PCSK6: variants seen among roughly 807,000 people sequenced by gnomAD.
PCSK6 encodes paired basic amino acid cleaving enzyme 4.
Under a neutral mutation model 123.3 loss-of-function variants are expected in PCSK6, and 85 were observed. The ratio of observed to expected loss-of-function variants is 0.69; its 90% CI spans 0.58 to 0.83. The LOEUF (loss-of-function observed/expected upper bound fraction) is 0.83, where lower values mean the gene tolerates loss of function less well. Ranked by LOEUF, PCSK6 falls within the 40% of genes least tolerant of loss-of-function variation. PCSK6 has a pLI of 0.00. For synonymous variants in PCSK6, 508 were observed against 516.0 expected, an observed-to-expected ratio of 0.98 and a Z score of 0.21; for missense variants, 1,191 against 1,282.3, an observed-to-expected ratio of 0.93 and a Z score of 1.09.
At chr15:101,467,151 C>G (rs1405975344) in intron 1 of PCSK6, among the ~76,000 whole-genome samples, 3 of 152,158 alleles carry the variant, frequency 2.0e-5, no homozygotes, top group Non-Finnish European at 4.4e-5. Context: ...CTCCTGTTAA[C>G]TGACAAAGGA....
chr15:101,456,201 C>T (rs1319931954), intron 1 of PCSK6, among the ~76,000 whole-genome samples: 1 of 151,992 alleles, frequency 6.6e-6, no homozygotes, highest in Non-Finnish European at 1.5e-5. Context: ...GACAGATCAT[C>T]CTACTCCAGG....
intron 8 of PCSK6, among the ~76,000 whole-genome samples, chr15:101,389,843 C>T: frequency 6.6e-6 from 1 of 152,148 alleles, no homozygotes; most frequent in African/African-American, 2.4e-5. Context: ...GGTTCCCTCT[C>T]TACTGCAGAA....
In PCSK6 at chr15:101,456,882, A is replaced by G. The variant is rs150060066; in HGVS notation, c.298-13222T>C. Reference sequence around the variant, plus strand: ...CAAGGACACTCCAGAGGGAGTATCAAGATCTCAGCTTGGGCTGGGCACAGT... The same window carrying G: ...CAAGGACACTCCAGAGGGAGTATCAGGATCTCAGCTTGGGCTGGGCACAGT... On this transcript the variant is annotated intron_variant, in intron 1 of 21. Coordinates refer to ENST00000611716, the MANE Select transcript of PCSK6 (RefSeq NM_002570.5). Among the ~76,000 whole-genome samples, 1,186 of 152,326 alleles carry G rather than the reference A, an allele frequency of 7.8e-3. 16 individuals are homozygous for G. Among genetic ancestry groups the G allele is most frequent in the African/African-American group, 0.026 (1,076 of 41,586 alleles).
intron 6 of PCSK6, among the ~76,000 whole-genome samples, chr15:101,415,174 T>C (rs2055844155): frequency 6.6e-6 from 1 of 152,210 alleles, no homozygotes; most frequent in Non-Finnish European, 1.5e-5. Flanking sequence ...CAGCATTCCT[T>C]CTCAGAAACA....
chr15:101,433,355 T>C (rs1163127746), intron 2 of PCSK6, among the ~76,000 whole-genome samples: 1 of 152,224 alleles, frequency 6.6e-6, no homozygotes, highest in African/African-American at 2.4e-5. Flanking sequence ...TTTAAAAGGA[T>C]CTTGGGGTAA....
At chr15:101,442,109 C>G (rs2056769478) in intron 2 of PCSK6, among the ~76,000 whole-genome samples, 2 of 152,178 alleles carry the variant, frequency 1.3e-5, no homozygotes, top group African/African-American at 2.4e-5. Context: ...AATATACTGG[C>G]CCCTTTGAAA....
At chr15:101,435,459 A>G (rs1459597564) in intron 2 of PCSK6, among the ~76,000 whole-genome samples, 1 of 152,262 alleles carries the variant, frequency 6.6e-6, no homozygotes, top group Non-Finnish European at 1.5e-5. Flanking sequence ...CTTCTAGCCC[A>G]AACAGAAACC....
intron 13 of PCSK6, among the ~76,000 whole-genome samples, chr15:101,335,346 A>G (rs1447102491): frequency 2.0e-5 from 3 of 152,138 alleles, no homozygotes; most frequent in African/African-American, 7.3e-5. Flanking sequence ...TTTAAAATCT[A>G]TGAATAAAGT....
At chr15:101,421,359 T>C (rs2056079785) in intron 6 of PCSK6, among the ~76,000 whole-genome samples, 1 of 152,254 alleles carries the variant, frequency 6.6e-6, no homozygotes, top group Non-Finnish European at 1.5e-5. Flanking sequence ...GGTTAAACTA[T>C]GTCCACAGGT....
chr15:101,428,964 G>C (rs528341286), intron 5 of PCSK6, among the ~76,000 whole-genome samples: 3 of 152,204 alleles, frequency 2.0e-5, no homozygotes, highest in Non-Finnish European at 4.4e-5. Flanking sequence ...ACCTTGGGAC[G>C]TGCATGAGGC....
intron 1 of PCSK6, among the ~76,000 whole-genome samples, chr15:101,478,424 T>C (rs748854879): frequency 6.6e-6 from 1 of 152,104 alleles, no homozygotes; most frequent in Non-Finnish European, 1.5e-5. Context: ...ACTGCTTCTT[T>C]ACAGAAAATA....
At chr15:101,462,491 T>A (rs1447515814) in intron 1 of PCSK6, among the ~76,000 whole-genome samples, 1 of 152,174 alleles carries the variant, frequency 6.6e-6, no homozygotes, top group African/African-American at 2.4e-5. Flanking sequence ...TGAAAAAGAA[T>A]AAGACTTGCC....
At chr15:101,307,543 ACAGC>A in intron 20 of PCSK6, 2 of 509,186 alleles carry the variant, frequency 3.9e-6, no homozygotes, top group Non-Finnish European at 7.1e-6. Context: ...GAGGGCAGAG[ACAGC>A]CATGGCCAGT....
chr15:101,411,655 T>C lies in PCSK6; in HGVS notation c.824-13079A>G, dbSNP rs574473997. ...GACGAGACAGGGCCAATAGAACAAATGGAAAAAACCATACACAATAAGTAG... is the reference window on the plus strand; with the variant it reads ...GACGAGACAGGGCCAATAGAACAAACGGAAAAAACCATACACAATAAGTAG... On this transcript the variant is annotated intron_variant, in intron 6 of 21. Transcript: ENST00000611716. 5.3e-5 allele frequency among the ~76,000 whole-genome samples: 8 copies of C among 151,904 alleles called. 1 individual carries two copies. The South Asian group carries it at 1.7e-3, about 32-fold the overall frequency.
At chr15:101,365,191 A>C (rs1300153749) in intron 13 of PCSK6, 12 of 465,224 alleles carry the variant, frequency 2.6e-5, no homozygotes, top group Non-Finnish European at 4.3e-5. Flanking sequence ...ACACTCTTAA[A>C]AGGAAACACA....
At chr15:101,349,415 C>T (rs2040834636) in intron 13 of PCSK6, among the ~76,000 whole-genome samples, 1 of 152,238 alleles carries the variant, frequency 6.6e-6, no homozygotes, top group African/African-American at 2.4e-5. Context: ...GCCTCCAGCG[C>T]AGCAACCCTG....
intron 19 of PCSK6, 22 bp downstream of exon 19, chr15:101,318,297 C>T: frequency 6.6e-7 from 1 of 1,523,864 alleles, no homozygotes; most frequent in Non-Finnish European, 8.9e-7. Flanking sequence ...TGGCCCGAGG[C>T]CTCCGCAGGC....
At chr15:101,408,754 T>C (rs1237609215) in intron 6 of PCSK6, among the ~76,000 whole-genome samples, 2 of 152,248 alleles carry the variant, frequency 1.3e-5, no homozygotes, top group Non-Finnish European at 2.9e-5. Flanking sequence ...AACTGTTCTC[T>C]TAAAATGCTC....
intron 17 of PCSK6, 73 bp downstream of exon 17, chr15:101,324,777 C>G: frequency 7.7e-7 from 1 of 1,291,128 alleles, no homozygotes; most frequent in East Asian, 2.3e-5. Flanking sequence ...GAAATTCTCC[C>G]TGGAGAGAGG....
Sources: gnomAD v4.1 joint callset for allele counts (sites outside exome capture counted in the v4.1 genomes callset) on GRCh38, gnomAD v4.1.1 for gene constraint, MANE v1.5 for transcripts, NCBI Gene and HGNC (gene_info 2026-07-23, HGNC 2026-07-21) for gene names.